The following ELP1 variants were observed in gnomAD, a reference collection of about 807,000 sequenced individuals.
ELP1 encodes the protein elongator acetyltransferase complex subunit 1, also known as elongator complex protein 1.
Under a neutral mutation model 183.2 loss-of-function variants are expected in ELP1, and 131 were observed. The observed-to-expected ratio is 0.72, with a 90% confidence interval of 0.62 to 0.83. ELP1 has a LOEUF of 0.83. Ranked by LOEUF, ELP1 falls within the 40% of genes least tolerant of loss-of-function variation. ELP1 has a pLI of 0.00. For missense variants in ELP1, 1,550 were observed against 1,594.9 expected (o/e 0.97, Z 0.48); for synonymous variants, 555 against 569.0 (o/e 0.98, Z 0.35).
rs1298186722 is a variant in ELP1 at position 108,929,895 on chromosome 9, T to C, written c.177A>G (p.Ala59=). The C allele has an allele frequency of 1.2e-6, 2 of 1,613,746 alleles. No individual in the cohort carries two copies. Among genetic ancestry groups the C allele is most frequent in the Non-Finnish European group, 8.5e-7 (1 of 1,180,044 alleles). The stretch of plus-strand genomic sequence containing the variant: ...TTCCATCCTCTGGGAGAAAGCCTTC[T>C]GCCACCAAAGAAACTTCATTTTTCA... The part of the protein sequence containing the change: ...REVKNEVSLV[A]EGFLPEDGSG... Residue 59 remains alanine, a synonymous_variant, in exon 3 of 37, where the codon GCA becomes GCG. Coordinates refer to ENST00000374647, the MANE Select transcript of ELP1 (RefSeq NM_003640.5).
At chr9:108,888,859 A>G (rs1299234699) in intron 29 of ELP1, among the ~76,000 whole-genome samples, 1 of 152,168 alleles carries the variant, frequency 6.6e-6, no homozygotes, top group Non-Finnish European at 1.5e-5. Flanking sequence ...TATTTTCATA[A>G]TAAATCCTAT....
intron 29 of ELP1, among the ~76,000 whole-genome samples, chr9:108,884,792 T>A (rs1039696144): frequency 6.6e-6 from 1 of 152,192 alleles, no homozygotes; most frequent in Non-Finnish European, 1.5e-5. Flanking sequence ...CTTTAAGCCA[T>A]CACCTTGGTC....
At chr9:108,919,933 C>T (rs574998027) in intron 6 of ELP1, among the ~76,000 whole-genome samples, 2 of 152,252 alleles carry the variant, frequency 1.3e-5, no homozygotes, top group South Asian at 2.1e-4. Flanking sequence ...AGATGACCAC[C>T]CGGGCATTCA....
In ELP1 at chr9:108,899,980, C is replaced by G. The variant is rs1279947860; in HGVS notation, c.2131-85G>C. The G allele has an allele frequency of 5.7e-6, 6 of 1,046,472 alleles. No individual in the cohort carries two copies. In the East Asian group the frequency reaches 1.3e-4, roughly 22 times the overall value. 64.8% of individuals were successfully genotyped at this position (1,046,472 alleles called of 1,614,324 possible). On this transcript the variant is annotated intron_variant, in intron 19 of 36. Coordinates refer to ENST00000374647, the MANE Select transcript of ELP1 (RefSeq NM_003640.5). ...ATACACCATTTTACCTAACTCTTCA[C>G]AGAGAATTACCACAACTCTCTAAAA... is the stretch of plus-strand genomic sequence containing the variant.
chr9:108,923,370 A>G (rs1449507341), intron 5 of ELP1, among the ~76,000 whole-genome samples: 1 of 152,040 alleles, frequency 6.6e-6, no homozygotes, highest in African/African-American at 2.4e-5. Context: ...CGAGACCCCC[A>G]TCTCAAAACA....
chr9:108,918,122 T>C (rs1307285000), intron 8 of ELP1, among the ~76,000 whole-genome samples: 1 of 152,226 alleles, frequency 6.6e-6, no homozygotes, highest in African/African-American at 2.4e-5. Context: ...ATCTTATTCA[T>C]ATTTGTCTCT....
chr9:108,932,830 C>G (rs1267012019), intron 1 of ELP1, among the ~76,000 whole-genome samples: 3 of 152,152 alleles, frequency 2.0e-5, no homozygotes, highest in Middle Eastern at 3.2e-3. Flanking sequence ...TGGACATCTG[C>G]AACCTCCAAC....
Position 108,903,749 on chromosome 9 carries a change from A to G in ELP1, c.1644-80T>C, listed in dbSNP as rs1828909075. 2.9e-6 allele frequency: 3 copies of G among 1,034,176 alleles called. No homozygotes were observed. In the East Asian group the frequency reaches 7.1e-5, roughly 25 times the overall value. 64.1% of individuals were successfully genotyped at this position (1,034,176 alleles called of 1,614,324 possible). A position where few individuals can be genotyped will look rare whatever the true frequency, so the allele number is the denominator to read the frequency against. On this transcript the variant is annotated intron_variant, in intron 14 of 36. Coordinates refer to ENST00000374647, the MANE Select transcript of ELP1 (RefSeq NM_003640.5). The stretch of plus-strand genomic sequence containing the variant: ...GACATTTCACTGATTTTGAAAATCA[A>G]CAATTTCCTTTTGATGCTGCACTAC...
At chr9:108,872,632 G>A (rs4978749) in intron 36 of ELP1, among the ~76,000 whole-genome samples, 29 of 150,328 alleles carry the variant, frequency 1.9e-4, no homozygotes, top group Admixed American at 1.7e-3. Context: ...GTGAAACCCC[G>A]TCTCTACTAA....
intron 36 of ELP1, among the ~76,000 whole-genome samples, chr9:108,869,425 T>A (rs1315507395): frequency 6.6e-6 from 1 of 152,090 alleles, no homozygotes; most frequent in African/African-American, 2.4e-5. Context: ...TGATTCAAAG[T>A]GGAAGAATGT....
chr9:108,875,965 A>G (rs1305505003), intron 35 of ELP1, among the ~76,000 whole-genome samples: 1 of 151,934 alleles, frequency 6.6e-6, no homozygotes, highest in Non-Finnish European at 1.5e-5. Context: ...CACTCATGGG[A>G]GTGGTATTAT....
chr9:108,895,480 T>A (rs1451316089), intron 25 of ELP1, among the ~76,000 whole-genome samples: 1 of 151,902 alleles, frequency 6.6e-6, no homozygotes, highest in African/African-American at 2.4e-5. Flanking sequence ...CACCAAGGCA[T>A]GTGGTGGTGA....
intron 5 of ELP1, 80 bp from the exon 6 acceptor site, chr9:108,923,007 T>C: frequency 9.6e-7 from 1 of 1,046,918 alleles, no homozygotes; most frequent in East Asian, 2.4e-5. Context: ...TTCATGAAGT[T>C]AGTCATTGGC....
At chr9:108,870,437 A>C (rs1464278064) in intron 36 of ELP1, among the ~76,000 whole-genome samples, 1 of 152,220 alleles carries the variant, frequency 6.6e-6, no homozygotes, top group Admixed American at 6.5e-5. Flanking sequence ...GAAAATCATA[A>C]AGAAAACAAT....
In ELP1 at chr9:108,900,303, C is replaced by G. The variant is rs137853022; in HGVS notation, c.2087G>C (p.Arg696Pro). 4 of 1,614,160 alleles carry G rather than the reference C, an allele frequency of 2.5e-6. No homozygotes were observed. The change falls in exon 19 of 37, where the codon CGG becomes CCG. Residue 696 changes from arginine to proline, a missense_variant. Physicochemically the swap from Arg to Pro is moderately radical, Grantham distance 103 (BLOSUM62 -2). Coordinates refer to ENST00000374647, the MANE Select transcript of ELP1 (RefSeq NM_003640.5). ...EVLRKVERGS[R>P]IVTVVPQDTK... Reference sequence around the variant, plus strand: ...GTCCTGGGGCACAACAGTGACAATCCGTGAACCCCTCTCCACTTTCCGCAG... The same window carrying G: ...GTCCTGGGGCACAACAGTGACAATCGGTGAACCCCTCTCCACTTTCCGCAG...
intron 25 of ELP1, among the ~76,000 whole-genome samples, chr9:108,895,835 T>C (rs929436402): frequency 1.3e-5 from 2 of 152,228 alleles, no homozygotes; most frequent in African/African-American, 4.8e-5. Flanking sequence ...CTGTGCTCCA[T>C]GTGCCCACCC....
chr9:108,888,215 G>A (rs1445940015), intron 29 of ELP1, among the ~76,000 whole-genome samples: 1 of 152,186 alleles, frequency 6.6e-6, no homozygotes, highest in Non-Finnish European at 1.5e-5. Context: ...AAACTTTACT[G>A]ACTGATCAGT....
chr9:108,892,042 A>G (rs1828359649), intron 27 of ELP1, among the ~76,000 whole-genome samples: 1 of 152,192 alleles, frequency 6.6e-6, no homozygotes, highest in Admixed American at 6.5e-5. Context: ...TCCAGGCTGG[A>G]TGTTAGCCAG....
In ELP1 at chr9:108,878,665, C is replaced by G; in HGVS notation, c.3658G>C (p.Glu1220Gln). The change falls in exon 34 of 37, where the codon GAG becomes CAG. Residue 1220 changes from glutamate to glutamine, a missense_variant. Glu to Gln is a conservative substitution (Grantham distance 29). Coordinates refer to ENST00000374647, the MANE Select transcript of ELP1 (RefSeq NM_003640.5). Reference protein sequence around the residue: ...GSPLEDLALLEALSEVVQNTE... With the variant: ...GSPLEDLALLQALSEVVQNTE... The stretch of plus-strand genomic sequence containing the variant: ...TTCTGCACCACTTCACTCAGTGCCT[C>G]CAGGAGGGCCAGGTCCTCCAGCGGA... The G allele has an allele frequency of 6.2e-7, 1 of 1,614,190 alleles. No homozygotes were observed. Among genetic ancestry groups the G allele is most frequent in the East Asian group, 2.2e-5 (1 of 44,880 alleles).
Sources: gnomAD v4.1 joint callset for allele counts (sites outside exome capture counted in the v4.1 genomes callset) on GRCh38, gnomAD v4.1.1 for gene constraint, MANE v1.5 for transcripts, NCBI Gene and HGNC (gene_info 2026-07-23, HGNC 2026-07-21) for gene names.